STMN2: variants seen among roughly 807,000 people sequenced by gnomAD.
STMN2 encodes stathmin 2.
In STMN2, 2 loss-of-function variants were observed where a neutral mutation model predicts 24.1. The ratio of observed to expected loss-of-function variants is 0.08; its 90% CI spans 0.03 to 0.26. The LOEUF (loss-of-function observed/expected upper bound fraction) is 0.26. STMN2 is among the 10% of genes least tolerant of loss of function. The pLI, the probability that STMN2 is intolerant of heterozygous loss-of-function variation, is 1.00. For missense variants in STMN2, 114 were observed against 213.6 expected, an observed-to-expected ratio of 0.53 and a Z score of 2.91; for synonymous variants, 83 against 77.5, an observed-to-expected ratio of 1.07 and a Z score of -0.37.
chr8:79,621,272 C>T lies in STMN2; in HGVS notation c.19+10058C>T, dbSNP rs1809509288. Among the ~76,000 whole-genome samples the T allele has an allele frequency of 2.6e-5, 4 of 152,066 alleles. No homozygotes were observed. In the South Asian group the frequency reaches 6.2e-4, roughly 24 times the overall value. ...TCTTTTTCAGACTCAAGGAAAAAAACGTGAAAGTGATTAGTGTCTGTCAAG... is the reference window on the plus strand; with the variant it reads ...TCTTTTTCAGACTCAAGGAAAAAAATGTGAAAGTGATTAGTGTCTGTCAAG... On this transcript the variant is annotated intron_variant, in intron 1 of 4. Coordinates refer to ENST00000220876, the MANE Select transcript of STMN2 (RefSeq NM_007029.4).
intron 4 of STMN2, among the ~76,000 whole-genome samples, chr8:79,656,858 G>A (rs1485697134): frequency 6.6e-6 from 1 of 151,686 alleles, no homozygotes; most frequent in Admixed American, 6.6e-5. Flanking sequence ...CCAAACACAC[G>A]GCATAGCCTC....
chr8:79,623,536 G>C (rs1255304668), intron 1 of STMN2, among the ~76,000 whole-genome samples: 1 of 152,140 alleles, frequency 6.6e-6, no homozygotes, highest in Non-Finnish European at 1.5e-5. Flanking sequence ...AGAAATATGT[G>C]CTTATATTTA....
rs533149942 is a variant in STMN2 at position 79,631,751 on chromosome 8, T to C, written c.20-5051T>C. ...TTTTAAATGGGATTACATATCTGAC[T>C]TTTAAAAAAAATTATCTGACCTTGA... On this transcript the variant is annotated intron_variant, in intron 1 of 4. Coordinates refer to ENST00000220876, the MANE Select transcript of STMN2 (RefSeq NM_007029.4). Among the ~76,000 whole-genome samples, 7 of 152,282 alleles carry C rather than the reference T, an allele frequency of 4.6e-5. No homozygotes were observed. In the South Asian group the frequency reaches 1.5e-3, roughly 32 times the overall value.
At chr8:79,621,410 T>C (rs528907676) in intron 1 of STMN2, among the ~76,000 whole-genome samples, 1 of 152,328 alleles carries the variant, frequency 6.6e-6, no homozygotes, top group South Asian at 2.1e-4. Flanking sequence ...AAAAACTGCG[T>C]CATTTGCTTT....
chr8:79,624,453 CAAAA>C (rs1011493193), intron 1 of STMN2, among the ~76,000 whole-genome samples: 3,251 of 44,538 alleles, frequency 0.073, 17 homozygotes, highest in East Asian at 0.25. Context: ...GACTCCGTCT[CAAAA>C]AAAAAAAAAA....
intron 4 of STMN2, among the ~76,000 whole-genome samples, chr8:79,655,769 C>G (rs1563447892): frequency 2.0e-5 from 3 of 152,194 alleles, no homozygotes; most frequent in African/African-American, 7.2e-5. Context: ...AAAAACCTTT[C>G]CTTTGAAAAT....
At chr8:79,639,037 G>T (rs1317032008) in intron 2 of STMN2, among the ~76,000 whole-genome samples, 2 of 152,122 alleles carry the variant, frequency 1.3e-5, no homozygotes, top group South Asian at 2.1e-4. Context: ...TATAGTTATT[G>T]AGTTAGTATT....
chr8:79,613,813 T>C (rs1477385499), intron 1 of STMN2: 1 of 985,318 alleles, frequency 1.0e-6, no homozygotes, highest in East Asian at 1.1e-4. Context: ...ATATTTTTGC[T>C]TCCTGCCAGG....
At chr8:79,613,710 G>C (rs1317038140) in intron 1 of STMN2, 3 of 985,298 alleles carry the variant, frequency 3.0e-6, no homozygotes, top group Non-Finnish European at 3.6e-6. Context: ...CCCTTGTTGC[G>C]TTCGCTTTGC....
intron 1 of STMN2, among the ~76,000 whole-genome samples, chr8:79,633,999 C>G (rs1809877614): frequency 6.6e-6 from 1 of 152,130 alleles, no homozygotes. Flanking sequence ...CAGCTTTCAT[C>G]TGTTACTACT....
At chr8:79,624,195 C>T (rs1809587848) in intron 1 of STMN2, among the ~76,000 whole-genome samples, 2 of 152,066 alleles carry the variant, frequency 1.3e-5, no homozygotes, top group African/African-American at 4.8e-5. Flanking sequence ...TGGCTCACAC[C>T]TGTAATCCCA....
In STMN2 at chr8:79,624,975, A is replaced by G. The variant is rs143285913; in HGVS notation, c.20-11827A>G. Among the ~76,000 whole-genome samples the G allele has an allele frequency of 1.9e-3, 284 of 149,734 alleles. 1 individual carries two copies. The highest frequency in any genetic ancestry group is 2.9e-3 in the Non-Finnish European group (195 of 66,752). ...CAGCTACAAGTCACATGTCCCACGCACTTTTTCCTGTTTGATTTTTTACAG... is the reference window on the plus strand; with the variant it reads ...CAGCTACAAGTCACATGTCCCACGCGCTTTTTCCTGTTTGATTTTTTACAG... On this transcript the variant is annotated intron_variant, in intron 1 of 4. Coordinates refer to ENST00000220876, the MANE Select transcript of STMN2 (RefSeq NM_007029.4).
chr8:79,630,821 C>T (rs1051828669), intron 1 of STMN2, among the ~76,000 whole-genome samples: 7 of 152,134 alleles, frequency 4.6e-5, no homozygotes, highest in African/African-American at 1.7e-4. Context: ...TTTACCCTGG[C>T]TTTGTCTCAT....
At chr8:79,613,484 C>T (rs1445287319) in intron 1 of STMN2, 1 of 985,370 alleles carries the variant, frequency 1.0e-6, no homozygotes, top group East Asian at 1.1e-4. Flanking sequence ...TTCACTCGCA[C>T]GTCCAGAAAG....
chr8:79,640,626 G>C (rs1810075246), intron 2 of STMN2, among the ~76,000 whole-genome samples: 1 of 152,184 alleles, frequency 6.6e-6, no homozygotes, highest in Non-Finnish European at 1.5e-5. Flanking sequence ...ACAATGGGGT[G>C]TTGTCTTATT....
intron 3 of STMN2, among the ~76,000 whole-genome samples, chr8:79,648,225 A>G (rs1018666118): frequency 6.6e-6 from 1 of 152,178 alleles, no homozygotes; most frequent in Admixed American, 6.6e-5. Context: ...CTCCTTTGTC[A>G]ATCTGTAAAA....
At chr8:79,628,365 T>A (rs993328453) in intron 1 of STMN2, among the ~76,000 whole-genome samples, 1 of 151,988 alleles carries the variant, frequency 6.6e-6, no homozygotes, top group Non-Finnish European at 1.5e-5. Context: ...GGTTTCACCA[T>A]GTCTCGAACT....
At chr8:79,656,043 G>A (rs577908491) in intron 4 of STMN2, among the ~76,000 whole-genome samples, 1 of 152,190 alleles carries the variant, frequency 6.6e-6, no homozygotes, top group African/African-American at 2.4e-5. Context: ...TGTTAGAGAT[G>A]GCCCTTCTCA....
At chr8:79,661,052 A>G (rs1047770723) in intron 4 of STMN2, among the ~76,000 whole-genome samples, 1 of 152,152 alleles carries the variant, frequency 6.6e-6, no homozygotes, top group Non-Finnish European at 1.5e-5. Flanking sequence ...TTGTTGGTCA[A>G]TGGACACTTA....
Sources: allele counts gnomAD v4.1 joint callset (sites outside exome capture counted in the v4.1 genomes callset), GRCh38; gene constraint gnomAD v4.1.1; transcripts MANE v1.5; gene names NCBI Gene and HGNC (gene_info 2026-07-23, HGNC 2026-07-21).